The following GGT1 variants were observed in gnomAD, a reference collection of about 807,000 sequenced individuals.
GGT1 encodes the protein glutathione hydrolase 1 proenzyme.
GGT1 carries 21 observed loss-of-function variants against 56.0 expected under a neutral mutation model. The ratio of observed to expected loss-of-function variants is 0.38; its 90% CI spans 0.27 to 0.54. The LOEUF (loss-of-function observed/expected upper bound fraction) is 0.54, where lower values mean the gene tolerates loss of function less well. GGT1 is among the 20% of genes least tolerant of loss of function. GGT1 has a pLI of 0.82. For missense variants in GGT1, 466 were observed against 787.0 expected (o/e 0.59, Z 4.88); for synonymous variants, 238 against 342.6 (o/e 0.69, Z 3.37).
upstream of GGT1, chr22:24,592,725 T>C: frequency 7.7e-7 from 1 of 1,298,890 alleles, no homozygotes; most frequent in Non-Finnish European, 9.9e-7. Context: ...GGAACCCGCC[T>C]GCGCGCGCCA....
At chr22:24,624,925 C>T (rs930177368) in intron 11 of GGT1, among the ~76,000 whole-genome samples, 4 of 151,960 alleles carry the variant, frequency 2.6e-5, no homozygotes, top group African/African-American at 4.8e-5. Flanking sequence ...CCCCATCAGG[C>T]CCCACTCAGC....
chr22:24,609,864 TCCTGGGG>T (rs2046554253), intron 2 of GGT1, 94 bp from the exon 3 acceptor site: 1 of 401,586 alleles, frequency 2.5e-6, no homozygotes, highest in Non-Finnish European at 5.3e-6. Context: ...CACTCAGGCC[TCCTGGGG>T]GTGTCCCCAG....
chr22:24,598,260 A>G (rs1410357766), upstream of GGT1: 1 of 152,006 alleles, frequency 6.6e-6, no homozygotes, highest in Non-Finnish European at 1.5e-5. Context: ...CAACATGGTG[A>G]AACTCCATCT....
At chr22:24,626,920 G>A (rs1191904936) in intron 11 of GGT1, among the ~76,000 whole-genome samples, 7 of 149,728 alleles carry the variant, frequency 4.7e-5, no homozygotes, top group Middle Eastern at 3.4e-3. Flanking sequence ...CCTGCCTCAG[G>A]GCCTTTGCAC....
intron 1 of GGT1, 190 bp from the exon 2 acceptor site, chr22:24,607,764 T>A: frequency 3.0e-6 from 1 of 334,542 alleles, no homozygotes; most frequent in South Asian, 2.2e-5. Flanking sequence ...CCGCTCCTGC[T>A]CCTTCCCTGC....
chr22:24,609,728 T>C, intron 2 of GGT1: 1 of 308,248 alleles, frequency 3.2e-6, no homozygotes, highest in Non-Finnish European at 6.9e-6. Context: ...CACATCCCTC[T>C]TCCCTGTTGT....
At chr22:24,614,957 C>A in intron 6 of GGT1, 51 bp downstream of exon 6, 1 of 1,595,954 alleles carries the variant, frequency 6.3e-7, no homozygotes, top group Non-Finnish European at 8.6e-7. Context: ...GTGGGTTGGG[C>A]CGAGGCACAG....
Position 24,628,050 on chromosome 22 carries a change from G to C in GGT1, c.1337-31G>C, listed in dbSNP as rs780180813. 6.2e-7 allele frequency: 1 copy of C among 1,611,404 alleles called. No individual in the cohort carries two copies. Among genetic ancestry groups the C allele is most frequent in the Non-Finnish European group, 8.5e-7 (1 of 1,179,688 alleles). Reference sequence around the variant, plus strand: ...CGGGTGTCCTGGGCAGGCAGCTGACGGGCATCCCTGTCTTCTCCCATCGGC... The same window carrying C: ...CGGGTGTCCTGGGCAGGCAGCTGACCGGCATCCCTGTCTTCTCCCATCGGC... On this transcript the variant is annotated intron_variant, in intron 13 of 15. Coordinates refer to ENST00000400382, the MANE Select transcript of GGT1 (RefSeq NM_001288833.2). The surrounding 1 kb of genome is among the most constrained non-coding windows in gnomAD (Gnocchi z 5.7).
upstream of GGT1, chr22:24,599,364 CA>C (rs796490845): frequency 5.1e-3 from 486 of 94,414 alleles, no homozygotes; most frequent in Middle Eastern, 0.011. Context: ...TGCCCCACTC[CA>C]AAAAAAAAAA....
In GGT1 at chr22:24,596,197, T is replaced by C. The variant is rs578152110; in HGVS notation, c.-324+1311T>C. Among the ~76,000 whole-genome samples the C allele has an allele frequency of 2.6e-5, 4 of 152,306 alleles. No homozygotes were observed. The South Asian group carries it at 8.3e-4, about 32-fold the overall frequency. On this transcript the variant is annotated intron_variant, in intron 1 of 6. Transcript: ENST00000411974. ...CCTGGGCTGCCACTTGTTGGATGTG[T>C]AACCATAGGCAGAGTAAGGACCTGC...
chr22:24,594,861 C>A (rs1396100482), exon 1 of GGT1: 1 of 144,922 alleles, frequency 6.9e-6, no homozygotes, highest in Non-Finnish European at 1.5e-5. Context: ...ACCTCTCAGA[C>A]CCCCCTGCCC....
chr22:24,592,009 C>G (rs78105003), upstream of GGT1, among the ~76,000 whole-genome samples: 1 of 152,236 alleles, frequency 6.6e-6, no homozygotes, highest in Non-Finnish European at 1.5e-5. Flanking sequence ...GACCACTTCG[C>G]TCCATGCCTC....
At chr22:24,608,418 C>T (rs1172682633) in intron 2 of GGT1, among the ~76,000 whole-genome samples, 2 of 152,340 alleles carry the variant, frequency 1.3e-5, no homozygotes. Context: ...GACAGATTAA[C>T]AGACAGGCGA....
chr22:24,603,918 G>C (rs1167254024), intron 1 of GGT1, among the ~76,000 whole-genome samples: 1 of 151,960 alleles, frequency 6.6e-6, no homozygotes, highest in African/African-American at 2.4e-5. Context: ...CCAACTCCAG[G>C]GGGCGCCTGC....
intron 11 of GGT1, 197 bp downstream of exon 11, chr22:24,624,113 G>A (rs781344422): frequency 1.0e-6 from 1 of 985,302 alleles, no homozygotes; most frequent in Non-Finnish European, 1.2e-6. Flanking sequence ...AGAACTGACA[G>A]TGTGGGGAAT....
intron 7 of GGT1, among the ~76,000 whole-genome samples, chr22:24,618,361 T>A (rs1392742098): frequency 6.6e-6 from 1 of 152,096 alleles, no homozygotes; most frequent in Non-Finnish European, 1.5e-5. Flanking sequence ...AAGGCTGAGG[T>A]GGGTGGATGA....
At chr22:24,611,779 G>A (rs1459396798) in intron 5 of GGT1, among the ~76,000 whole-genome samples, 1 of 119,388 alleles carries the variant, frequency 8.4e-6, no homozygotes, top group Non-Finnish European at 1.5e-5. Context: ...AAATTTGTGT[G>A]TGTGTGTGTG....
upstream of GGT1, chr22:24,599,104 C>T (rs1601612115): frequency 6.6e-6 from 1 of 152,092 alleles, no homozygotes; most frequent in East Asian, 1.9e-4. Flanking sequence ...CTAGAAGATG[C>T]ATTTTAGTAA....
chr22:24,623,609 C>A (rs2047566346), intron 10 of GGT1, among the ~76,000 whole-genome samples, 171 bp from the exon 11 acceptor site: 1 of 149,972 alleles, frequency 6.7e-6, no homozygotes. Flanking sequence ...GAGGTCCAGG[C>A]TCGGGAGCCC....
Sources: gnomAD v4.1 joint callset for allele counts (sites outside exome capture counted in the v4.1 genomes callset) on GRCh38, gnomAD v4.1.1 for gene constraint, Gnocchi (gnomAD v3.1) non-coding constraint, MANE v1.5 for transcripts, NCBI Gene and HGNC (gene_info 2026-07-23, HGNC 2026-07-21) for gene names.